Variants in GDPD1 observed in about 807,000 individuals in gnomAD.
GDPD1 encodes the protein glycerophosphodiester phosphodiesterase domain containing 1.
A neutral mutation model predicts 45.1 loss-of-function variants in GDPD1; 28 were observed. The observed-to-expected ratio is 0.62, with a 90% CI of 0.46 to 0.85. The LOEUF is 0.85. Among genes scored for constraint, GDPD1 ranks in the 40% least tolerant of loss-of-function variants. The pLI is 0.00. For missense variants in GDPD1, 256 were observed against 364.8 expected (o/e 0.70, Z 2.43); for synonymous variants, 139 against 131.4 (o/e 1.06, Z -0.40).
chr17:59,251,292 G>A (rs1424363026), intron 4 of GDPD1, among the ~76,000 whole-genome samples: 5 of 152,074 alleles, frequency 3.3e-5, no homozygotes, highest in African/African-American at 1.2e-4. Context: ...GCCGAGACAG[G>A]TGGATCACCT....
chr17:59,224,624 C>CAAAAAAA (rs71145538), intron 1 of GDPD1, among the ~76,000 whole-genome samples: 1 of 114,794 alleles, frequency 8.7e-6, no homozygotes, highest in Non-Finnish European at 1.9e-5. Flanking sequence ...GACTCCATCT[C>CAAAAAAA]AAAAAAAAAA....
At chr17:59,224,530 C>T (rs1421175189) in intron 1 of GDPD1, among the ~76,000 whole-genome samples, 1 of 150,752 alleles carries the variant, frequency 6.6e-6, no homozygotes, top group African/African-American at 2.4e-5. Flanking sequence ...GAGGCTGAGG[C>T]AGGAGAATGG....
In GDPD1 at chr17:59,275,094, G is replaced by A. The variant is rs1420052937; in HGVS notation, c.*1321G>A. 8.0e-6 allele frequency: 11 copies of A among 1,374,074 alleles called. No individual in the cohort carries two copies. The highest frequency in any genetic ancestry group is 4.3e-5 in the African/African-American group (3 of 69,812). 85.1% of individuals were successfully genotyped at this position (1,374,074 alleles called of 1,614,324 possible). On this transcript the variant is annotated 3_prime_UTR_variant, in exon 10 of 10. Coordinates refer to ENST00000284116, the MANE Select transcript of GDPD1 (RefSeq NM_182569.4). ...TGACCTCAGGTGATCCACCCACCTCGGCCTCTCAAAGTGCTGGGATTACAG... is the reference window on the plus strand; with the variant it reads ...TGACCTCAGGTGATCCACCCACCTCAGCCTCTCAAAGTGCTGGGATTACAG...
chr17:59,255,788 C>A (rs1394536809), intron 4 of GDPD1, among the ~76,000 whole-genome samples: 1 of 46,812 alleles, frequency 2.1e-5, no homozygotes, highest in Non-Finnish European at 3.5e-5. Context: ...TATATATACG[C>A]GTATATATGT....
At chr17:59,269,691 C>T (rs933147205) in intron 7 of GDPD1, among the ~76,000 whole-genome samples, 15 of 151,974 alleles carry the variant, frequency 9.9e-5, no homozygotes, top group East Asian at 1.9e-4. Context: ...GGCATGGTGG[C>T]GCACATCTGT....
chr17:59,256,862 A>G (rs933926760), intron 4 of GDPD1, among the ~76,000 whole-genome samples: 13 of 152,338 alleles, frequency 8.5e-5, no homozygotes, highest in African/African-American at 2.6e-4. Flanking sequence ...ATTTATTTTT[A>G]TGTGAAAATA....
At chr17:59,250,688 A>G (rs1188406745) in intron 4 of GDPD1, among the ~76,000 whole-genome samples, 2 of 151,750 alleles carry the variant, frequency 1.3e-5, no homozygotes, top group African/African-American at 2.4e-5. Context: ...TGTCCCTCAG[A>G]AAGTCATGAA....
At position 59,232,495 on chromosome 17, in the gene GDPD1, C is replaced by T. The variant is rs142386821; in HGVS notation, c.143-1997C>T. On this transcript the variant is annotated intron_variant, in intron 1 of 9. Transcript: ENST00000284116. ...TCAGTACACTGAAAGAAATGGATATCGAAGAAGTTTTTAACGTTGATCATG... is the reference window on the plus strand; with the variant it reads ...TCAGTACACTGAAAGAAATGGATATTGAAGAAGTTTTTAACGTTGATCATG... Among the ~76,000 whole-genome samples, 924 of 151,690 alleles carry T rather than the reference C, an allele frequency of 6.1e-3. 3 individuals carry two copies. The highest frequency in any genetic ancestry group is 0.024 in the Middle Eastern group (7 of 288).
At chr17:59,222,675 C>T (rs1262952437) in intron 1 of GDPD1, among the ~76,000 whole-genome samples, 1 of 151,794 alleles carries the variant, frequency 6.6e-6, no homozygotes, top group Non-Finnish European at 1.5e-5. Flanking sequence ...CCACCACGCA[C>T]AGCTAATTTT....
In GDPD1 at chr17:59,222,505, C is replaced by CTTTTTTTTTTTTTTTTTTTT. The variant is rs149536097; in HGVS notation, c.142+1761_142+1780dup. Among the ~76,000 whole-genome samples the CTTTTTTTTTTTTTTTTTTTT allele has an allele frequency of 1.3e-3, 54 of 41,740 alleles. 8 individuals carry two copies. The highest frequency in any genetic ancestry group is 3.0e-3 in the Admixed American group (9 of 2,982). 27.4% of individuals were successfully genotyped at this position (41,740 alleles called of 152,430 possible). On this transcript the variant is annotated intron_variant, in intron 1 of 9. Transcript: ENST00000284116. ...ACAGGCGTGAGCCACAGTGCCCAGC[C>CTTTTTTTTTTTTTTTTTTTT]TTTTTTTTTTTTTTTTTTTTTTTTT...
chr17:59,258,344 G>T (rs2047325592), intron 6 of GDPD1, among the ~76,000 whole-genome samples: 1 of 152,104 alleles, frequency 6.6e-6, no homozygotes, highest in Non-Finnish European at 1.5e-5. Context: ...AGGAGTTCGA[G>T]ACCAACCTGG....
In GDPD1 at chr17:59,265,132, C is replaced by T. The variant is rs143248965; in HGVS notation, c.577-1909C>T. 5.9e-5 allele frequency among the ~76,000 whole-genome samples: 9 copies of T among 152,182 alleles called. No homozygotes were observed. The East Asian group carries it at 7.7e-4, about 13-fold the overall frequency. ...CTGGGATTACAGGCGTGAGCAACCG[C>T]GCCCAGCCTAGAACTAACTATTTAA... On this transcript the variant is annotated intron_variant, in intron 6 of 9. Coordinates refer to ENST00000284116, the MANE Select transcript of GDPD1 (RefSeq NM_182569.4).
At chr17:59,241,565 G>A (rs982648459) in intron 2 of GDPD1, among the ~76,000 whole-genome samples, 13 of 151,906 alleles carry the variant, frequency 8.6e-5, no homozygotes, top group Admixed American at 8.5e-4. Context: ...GTGATCTGCC[G>A]CCTTGGCCTC....
chr17:59,261,994 T>C (rs2047360232), intron 6 of GDPD1, among the ~76,000 whole-genome samples: 1 of 133,872 alleles, frequency 7.5e-6, no homozygotes, highest in Non-Finnish European at 1.5e-5. Context: ...CTCGGCTCAC[T>C]GCAAGCTCCG....
intron 4 of GDPD1, among the ~76,000 whole-genome samples, chr17:59,251,544 G>GA (rs929784645): frequency 1.5e-4 from 22 of 149,192 alleles, no homozygotes; most frequent in South Asian, 4.2e-4. Context: ...CAATGCTGTG[G>GA]AAAAAAAAAA....
intron 7 of GDPD1, among the ~76,000 whole-genome samples, chr17:59,270,143 G>A (rs2047433558): frequency 6.6e-6 from 1 of 151,484 alleles, no homozygotes; most frequent in Admixed American, 6.6e-5. Flanking sequence ...TTGCAACCAG[G>A]ACTTTCCACT....
chr17:59,231,061 G>A (rs1458715181), intron 1 of GDPD1, among the ~76,000 whole-genome samples: 1 of 152,140 alleles, frequency 6.6e-6, no homozygotes, highest in Non-Finnish European at 1.5e-5. Context: ...AGGCATGCAT[G>A]GGTCACCAGG....
chr17:59,259,150 C>G (rs1200054150), intron 6 of GDPD1, among the ~76,000 whole-genome samples: 2 of 151,424 alleles, frequency 1.3e-5, no homozygotes, highest in African/African-American at 2.4e-5. Context: ...AAAAAAAATC[C>G]TGGGCACAGT....
chr17:59,232,307 G>T (rs1003006475), intron 1 of GDPD1, among the ~76,000 whole-genome samples: 3 of 152,006 alleles, frequency 2.0e-5, no homozygotes, highest in Admixed American at 2.0e-4. Context: ...AAAATTAGCC[G>T]GGTGTGGTGG....
Sources: allele counts gnomAD v4.1 joint callset (sites outside exome capture counted in the v4.1 genomes callset), GRCh38; gene constraint gnomAD v4.1.1; transcripts MANE v1.5; gene names NCBI Gene and HGNC (gene_info 2026-07-23, HGNC 2026-07-21).